CPNE8: variants seen among roughly 807,000 people sequenced by gnomAD.
CPNE8 encodes the protein copine-8.
In CPNE8, 45 loss-of-function variants were observed where a neutral mutation model predicts 81.5. The ratio of observed to expected loss-of-function variants is 0.55; its 90% confidence interval spans 0.44 to 0.71. The LOEUF is 0.71. CPNE8 is among the 30% of genes least tolerant of loss of function. The pLI is 0.00. For missense variants in CPNE8, 594 were observed against 672.1 expected (o/e 0.88, Z 1.28); for synonymous variants, 252 against 226.3 (o/e 1.11, Z -1.02).
rs541949939 is a variant in CPNE8 at position 38,756,251 on chromosome 12, C to T, written c.722+4596G>A. Among the ~76,000 whole-genome samples the T allele has an allele frequency of 2.0e-5, 3 of 151,978 alleles. No individual in the cohort carries two copies. In the South Asian group the frequency reaches 6.2e-4, roughly 32 times the overall value. On this transcript the variant is annotated intron_variant, in intron 10 of 19. Transcript: ENST00000331366. ...AATTCTGACACAAGAGGACACCAGT[C>T]CCTGAAGTGCCCAATCTGTGTGAAT...
At chr12:38,906,082 ACCTCTGC>A, upstream of CPNE8, 1 of 986,188 alleles carries the variant, frequency 1.0e-6, no homozygotes, top group Admixed American at 6.1e-5. Flanking sequence ...AGGTGGGGGC[ACCTCTGC>A]CCGTTCCTAA....
chr12:38,863,691 A>G (rs1943873445), intron 3 of CPNE8, among the ~76,000 whole-genome samples: 1 of 152,216 alleles, frequency 6.6e-6, no homozygotes, highest in Non-Finnish European at 1.5e-5. Context: ...ATGACAAAAT[A>G]AAAATCATAT....
chr12:38,890,784 T>C (rs114842286), intron 1 of CPNE8, among the ~76,000 whole-genome samples: 2,687 of 152,072 alleles, frequency 0.018, 79 homozygotes, highest in African/African-American at 0.061. Context: ...TTCACTTATT[T>C]TTCTACTTAG....
chr12:38,694,690 A>C (rs752779327), intron 14 of CPNE8, among the ~76,000 whole-genome samples: 2 of 152,212 alleles, frequency 1.3e-5, no homozygotes, highest in Admixed American at 6.5e-5. Context: ...AACACATTGA[A>C]ATTCACAACA....
chr12:38,666,312 C>T (rs192424416), intron 19 of CPNE8, among the ~76,000 whole-genome samples: 1 of 152,218 alleles, frequency 6.6e-6, no homozygotes, highest in East Asian at 1.9e-4. Context: ...AACCAGAACA[C>T]TCTTGGAAAT....
chr12:38,873,489 A>T (rs1265353637), intron 2 of CPNE8, among the ~76,000 whole-genome samples: 1 of 152,194 alleles, frequency 6.6e-6, no homozygotes, highest in African/African-American at 2.4e-5. Flanking sequence ...TCCACCCTTA[A>T]TATTTATAAA....
upstream of CPNE8, chr12:38,905,685 G>A: frequency 6.8e-7 from 1 of 1,462,278 alleles, no homozygotes; most frequent in Non-Finnish European, 9.0e-7. Context: ...GGGAAGGGAG[G>A]AGGCGGACCT....
intron 3 of CPNE8, among the ~76,000 whole-genome samples, chr12:38,861,492 G>A (rs1019124377): frequency 6.6e-6 from 1 of 151,968 alleles, no homozygotes; most frequent in South Asian, 2.1e-4. Flanking sequence ...GACCTACACA[G>A]AACATCAATC....
intron 7 of CPNE8, among the ~76,000 whole-genome samples, chr12:38,773,523 A>G (rs577752114): frequency 3.3e-5 from 5 of 152,266 alleles, no homozygotes; most frequent in African/African-American, 1.2e-4. Flanking sequence ...TTACAAATGC[A>G]TAACTTAAAG....
chr12:38,714,448 G>A (rs1280632849), intron 13 of CPNE8, among the ~76,000 whole-genome samples: 3 of 151,878 alleles, frequency 2.0e-5, no homozygotes, highest in Non-Finnish European at 4.4e-5. Flanking sequence ...AGGGATAAAA[G>A]TACAGAGTGT....
upstream of CPNE8, chr12:38,905,789 C>G (rs1474444020): frequency 2.0e-6 from 2 of 985,234 alleles, no homozygotes; most frequent in African/African-American, 1.7e-5. Flanking sequence ...TCCCAGCCCC[C>G]TTCCGGCAGG....
chr12:38,799,568 G>C (rs866232091), intron 6 of CPNE8, among the ~76,000 whole-genome samples: 2 of 152,084 alleles, frequency 1.3e-5, no homozygotes, highest in Non-Finnish European at 2.9e-5. Flanking sequence ...GAAATTTATA[G>C]CACTAAATGC....
chr12:38,691,534 A>C (rs1939676270), intron 15 of CPNE8, among the ~76,000 whole-genome samples: 1 of 152,082 alleles, frequency 6.6e-6, no homozygotes, highest in Admixed American at 6.5e-5. Context: ...GAAAATTTTA[A>C]AGTAATATAA....
At position 38,769,488 on chromosome 12, in the gene CPNE8, C is replaced by T. The variant is rs116760052; in HGVS notation, c.472-1750G>A. On this transcript the variant is annotated intron_variant, in intron 7 of 19. Transcript: ENST00000331366. ...AAAATCAAAGGCAGCATTGAAAAGG[C>T]GAGCTGTTTGGTTTAGTTTGTTTAT... 5.0e-3 allele frequency among the ~76,000 whole-genome samples: 757 copies of T among 152,186 alleles called. 5 individuals carry two copies. The highest frequency in any genetic ancestry group is 0.017 in the African/African-American group (706 of 41,520).
At position 38,735,595 on chromosome 12, in the gene CPNE8, G is replaced by A. The variant is rs554139348; in HGVS notation, c.723-5237C>T. Among the ~76,000 whole-genome samples, 19 of 152,046 alleles carry A rather than the reference G, an allele frequency of 1.2e-4. No individual in the cohort carries two copies. In the South Asian group the frequency reaches 3.7e-3, roughly 30 times the overall value. ...AGCATCTAAGAATGATTTCTTATAC[G>A]ATAACATCAACAACCTTCACTGATT... On this transcript the variant is annotated intron_variant, in intron 10 of 19. Coordinates refer to ENST00000331366, the MANE Select transcript of CPNE8 (RefSeq NM_153634.3).
intron 13 of CPNE8, among the ~76,000 whole-genome samples, chr12:38,709,085 C>T (rs1326471470): frequency 1.3e-5 from 2 of 152,172 alleles, no homozygotes; most frequent in African/African-American, 4.8e-5. Flanking sequence ...TAATATTCCT[C>T]ACATTCTTTC....
intron 1 of CPNE8, among the ~76,000 whole-genome samples, chr12:38,888,918 AT>A (rs772519692): frequency 5.9e-5 from 9 of 152,116 alleles, no homozygotes; most frequent in Non-Finnish European, 1.2e-4. Flanking sequence ...TTCATATGTG[AT>A]GTGCCTTTCT....
intron 7 of CPNE8, among the ~76,000 whole-genome samples, chr12:38,769,148 A>C (rs1247402064): frequency 1.3e-5 from 2 of 152,208 alleles, no homozygotes; most frequent in African/African-American, 4.8e-5. Context: ...AGGGTAATGA[A>C]CAAGGCAGTA....
rs563853750 is a variant in CPNE8 at position 38,799,822 on chromosome 12, G to C, written c.408-23521C>G. Among the ~76,000 whole-genome samples, 5 of 148,314 alleles carry C rather than the reference G, an allele frequency of 3.4e-5. No individual in the cohort carries two copies. The East Asian group carries it at 9.9e-4, about 29-fold the overall frequency. ...CGCGCACCGTGCGCGAGCCGAAGCA[G>C]GGCGAGGCATTGCCTCACCTGGGAA... On this transcript the variant is annotated intron_variant, in intron 6 of 19. Coordinates refer to ENST00000331366, the MANE Select transcript of CPNE8 (RefSeq NM_153634.3).
Sources: gnomAD v4.1 joint callset for allele counts (sites outside exome capture counted in the v4.1 genomes callset) on GRCh38, gnomAD v4.1.1 for gene constraint, MANE v1.5 for transcripts, NCBI Gene and HGNC (gene_info 2026-07-23, HGNC 2026-07-21) for gene names.